Variants in CSF1R observed in about 807,000 individuals in gnomAD.
CSF1R encodes colony stimulating factor 1 receptor.
In CSF1R, 40 loss-of-function variants were observed where a neutral mutation model predicts 110.0. The ratio of observed to expected loss-of-function variants is 0.36; its 90% confidence interval spans 0.28 to 0.47. The LOEUF is 0.47. CSF1R is among the 20% of genes least tolerant of loss of function. CSF1R has a pLI of 0.99. For missense variants in CSF1R, 1,052 were observed against 1,253.0 expected, an observed-to-expected ratio of 0.84 and a Z score of 2.42; for synonymous variants, 523 against 503.4, an observed-to-expected ratio of 1.04 and a Z score of -0.52.
chr5:150,061,142 T>G (rs1351109841), intron 12 of CSF1R, among the ~76,000 whole-genome samples, 170 bp from the exon 13 acceptor site: 2 of 151,982 alleles, frequency 1.3e-5, no homozygotes, highest in Non-Finnish European at 2.9e-5. Context: ...GACACACAGA[T>G]GGCAGAGAGA....
chr5:150,077,056 G>A (rs1758296266), intron 5 of CSF1R: 1 of 627,954 alleles, frequency 1.6e-6, no homozygotes, highest in Non-Finnish European at 2.8e-6. Context: ...ACCCAATGCA[G>A]CCATGCACTG....
intron 10 of CSF1R, among the ~76,000 whole-genome samples, chr5:150,064,494 A>G (rs747535689): frequency 5.3e-5 from 8 of 152,198 alleles, no homozygotes; most frequent in Non-Finnish European, 4.4e-5. Context: ...AGAGTCTGAA[A>G]CGGGACCCAG....
chr5:150,086,573 T>G, upstream of CSF1R: 2 of 724,362 alleles, frequency 2.8e-6, no homozygotes, highest in South Asian at 3.6e-5. Flanking sequence ...TTCCTCTTCC[T>G]CCTCCTTGGG....
At chr5:150,091,546 T>G (rs1370556904), upstream of CSF1R, among the ~76,000 whole-genome samples, 1 of 152,094 alleles carries the variant, frequency 6.6e-6, no homozygotes. Context: ...ATATGAAACA[T>G]CCAGAACAGG....
chr5:150,055,027 G>A (rs879180931), intron 19 of CSF1R, among the ~76,000 whole-genome samples: 3 of 151,266 alleles, frequency 2.0e-5, no homozygotes, highest in East Asian at 1.9e-4. Flanking sequence ...AAAAGTGGTC[G>A]GTTAGGACCA....
chr5:150,086,302 G>T, intron 1 of CSF1R, 77 bp downstream of exon 1: 2 of 1,436,702 alleles, frequency 1.4e-6, no homozygotes, highest in East Asian at 2.5e-5. Flanking sequence ...CCAGTGAGGG[G>T]CAAGGACTGA....
At chr5:150,073,628 A>C in intron 5 of CSF1R, 135 bp from the exon 6 acceptor site, 2 of 800,364 alleles carry the variant, frequency 2.5e-6, no homozygotes, top group East Asian at 5.6e-5. Context: ...CACCCAAGAC[A>C]GGTCCTCTGA....
chr5:150,058,650 T>C (rs560190859), intron 14 of CSF1R, among the ~76,000 whole-genome samples: 2 of 152,280 alleles, frequency 1.3e-5, no homozygotes, highest in African/African-American at 4.8e-5. Context: ...GCCACCCTCA[T>C]AGAAGTGTCA....
intron 6 of CSF1R, among the ~76,000 whole-genome samples, chr5:150,072,557 G>A (rs1158792754): frequency 6.6e-6 from 1 of 152,118 alleles, no homozygotes; most frequent in Non-Finnish European, 1.5e-5. Flanking sequence ...GATATACCTG[G>A]TATGAGTGTT....
chr5:150,086,295 G>C (rs1277363149), intron 1 of CSF1R, 84 bp downstream of exon 1: 1 of 1,393,576 alleles, frequency 7.2e-7, no homozygotes, highest in Admixed American at 2.0e-5. Context: ...AGGACACCCA[G>C]TGAGGGGCAA....
chr5:150,109,058 G>GCCCCCCCCC (rs60014782), intron 1 of CSF1R, among the ~76,000 whole-genome samples: 29 of 119,756 alleles, frequency 2.4e-4, no homozygotes, highest in African/African-American at 6.4e-4. Flanking sequence ...GGAGAAGCCC[G>GCCCCCCCCC]CCCCCCCCCC....
chr5:150,106,130 T>A (rs1759549254), intron 1 of CSF1R, among the ~76,000 whole-genome samples: 1 of 151,900 alleles, frequency 6.6e-6, no homozygotes, highest in Non-Finnish European at 1.5e-5. Context: ...GGACACAGAG[T>A]GGGGAAGTGC....
rs576937704 is a variant in CSF1R at position 150,106,905 on chromosome 5, C to T, written c.-181+6356G>A. Among the ~76,000 whole-genome samples the T allele has an allele frequency of 1.8e-4, 28 of 152,320 alleles. No individual in the cohort carries two copies. The East Asian group carries it at 4.8e-3, about 26-fold the overall frequency. On this transcript the variant is annotated intron_variant, in intron 1 of 21. Coordinates refer to the CSF1R transcript ENST00000286301. ...GCTCCCTGAGTTTCCTGGCACTTCT[C>T]GCTGTCAACAGAAGCACAGTTATGA...
At position 150,054,042 on chromosome 5, in the gene CSF1R, A is replaced by G; in HGVS notation, c.*27T>C. ...GAGGAGTTGAAGTTTGTGGGAGGGG[A>G]GAGTGGTACTCCCTGTCGTCAACTC... On this transcript the variant is annotated 3_prime_UTR_variant, in exon 21 of 21. Coordinates refer to ENST00000675795, the MANE Select transcript of CSF1R (RefSeq NM_001288705.3). 1 of 1,610,866 alleles carries G rather than the reference A, an allele frequency of 6.2e-7. No individual in the cohort carries two copies.
At position 150,086,463 on chromosome 5, in the gene CSF1R, T is replaced by C. The variant is rs754454211; in HGVS notation, c.-36A>G. 1 of 1,595,012 alleles carries C rather than the reference T, an allele frequency of 6.3e-7. No homozygotes were observed. Among genetic ancestry groups the C allele is most frequent in the Non-Finnish European group, 8.5e-7 (1 of 1,170,374 alleles). On this transcript the variant is annotated 5_prime_UTR_variant, in exon 1 of 21. Transcript: ENST00000675795. ...GGGAAGTGGCAGGCAGGTGCAGGGC[T>C]GCAAGGTGCCCAGGGCACAGAGCTC...
intron 1 of CSF1R, among the ~76,000 whole-genome samples, chr5:150,110,711 AAACTAT>A (rs1759691456): frequency 6.6e-6 from 1 of 151,604 alleles, no homozygotes. Context: ...AAATATAACT[AAACTAT>A]TTATAGTGAG....
At position 150,099,527 on chromosome 5, in the gene CSF1R, C is replaced by T. The variant is rs141332382; in HGVS notation, c.-180-12920G>A. On this transcript the variant is annotated intron_variant, in intron 1 of 21. Coordinates refer to the CSF1R transcript ENST00000286301. ...ATAAATAAACTGTGGTATATCCATA[C>T]AATAGAACGCTACTCAGCAATTAAG... Among the ~76,000 whole-genome samples the T allele has an allele frequency of 3.9e-3, 595 of 152,258 alleles. 2 individuals are homozygous for T. The highest frequency in any genetic ancestry group is 0.013 in the African/African-American group (546 of 41,534).
At chr5:150,109,680 G>C (rs1223768362) in intron 1 of CSF1R, among the ~76,000 whole-genome samples, 2 of 152,102 alleles carry the variant, frequency 1.3e-5, no homozygotes, top group Non-Finnish European at 2.9e-5. Context: ...TTTCTCAGCC[G>C]CCCAGGGCAC....
chr5:150,068,321 G>A lies in CSF1R; in HGVS notation c.1520C>T (p.Thr507Met), dbSNP rs538359948. 27 of 1,612,162 alleles carry A rather than the reference G, an allele frequency of 1.7e-5. No homozygotes were observed. In the East Asian group the frequency reaches 2.9e-4, roughly 17 times the overall value. Reference sequence around the variant, plus strand: ...GAAGAGGAACTCATCCGGGGGATGCGTGTGGGCTCCTGGAAGGCATGAAGC... The same window carrying A: ...GAAGAGGAACTCATCCGGGGGATGCATGTGGGCTCCTGGAAGGCATGAAGC... ...AFIPISAGAH[T>M]HPPDEFLFTP... The change falls in exon 10 of 21, where the codon ACG (threonine) becomes ATG (methionine). Residue 507 changes from threonine (T) to methionine (M), a missense_variant. Transcript: ENST00000675795.
Sources: allele counts gnomAD v4.1 joint callset (sites outside exome capture counted in the v4.1 genomes callset), GRCh38; gene constraint gnomAD v4.1.1; transcripts MANE v1.5; gene names NCBI Gene and HGNC (gene_info 2026-07-23, HGNC 2026-07-21).